The following FAT1 variants were observed in gnomAD, a reference collection of about 807,000 sequenced individuals.
FAT1 encodes the protein protocadherin Fat 1.
In FAT1, 171 loss-of-function variants were observed where a neutral mutation model predicts 329.8. The observed-to-expected ratio is 0.52, with a 90% CI of 0.46 to 0.59. The LOEUF (loss-of-function observed/expected upper bound fraction) is 0.59. FAT1 is among the 20% of genes least tolerant of loss of function. The pLI is 0.00. For synonymous variants in FAT1, 2,233 were observed against 2,228.6 expected, an observed-to-expected ratio of 1.00 and a Z score of -0.06; for missense variants, 5,672 against 5,774.4, an observed-to-expected ratio of 0.98 and a Z score of 0.57.
rs2126699357 is a variant in FAT1 at position 186,708,827 on chromosome 4, A to T, written c.1001T>A (p.Leu334His). ...DWDSHPFGYN[L>H]TLQAKDKGTP... ...TCCTTTATCTTTAGCCTGTAGTGTG[A>T]GATTGTAGCCGAAAGGATGACTGTC... Residue 334 changes from leucine (L) to histidine (H), a missense_variant, in exon 2 of 27, where the codon CTC becomes CAC. By Grantham distance (99) the Leu-to-His change is moderately conservative. Coordinates refer to ENST00000441802, the MANE Select transcript of FAT1 (RefSeq NM_005245.4). 1 of 1,613,964 alleles carries T rather than the reference A, an allele frequency of 6.2e-7. No homozygotes were observed. The highest frequency in any genetic ancestry group is 1.7e-5 in the Admixed American group (1 of 60,026).
In FAT1 at chr4:186,709,483, G is replaced by A. The variant is rs2126704550; in HGVS notation, c.345C>T (p.His115=). ...TAILNREVKD[H]YTLIVKALEK... is the part of the protein sequence containing the mutation. ...CAAGTGCTTTCACTATCAATGTGTA[G>A]TGATCCTTCACTTCTCTATTAAGAA... Residue 115 remains histidine, a synonymous_variant, in exon 2 of 27, where the codon CAC becomes CAT. Coordinates refer to ENST00000441802, the MANE Select transcript of FAT1 (RefSeq NM_005245.4). The A allele has an allele frequency of 6.2e-7, 1 of 1,613,902 alleles. No individual in the cohort carries two copies. Among genetic ancestry groups the A allele is most frequent in the South Asian group, 1.1e-5 (1 of 91,072 alleles).
In FAT1 at chr4:186,617,979, A is replaced by C. The variant is rs2126489873; in HGVS notation, c.8607T>G (p.Ile2869Met). ...SFAINMETGW[I>M]TTLKELDHEK... ...CATGGTCAAGTTCCTTTAAAGTTGT[A>C]ATCCAGCCTGTTTCCATGTTAATGG... Residue 2869 changes from isoleucine to methionine, a missense_variant, in exon 10 of 27, where the codon ATT (isoleucine) becomes ATG (methionine). By Grantham distance (10) the Ile-to-Met change is conservative (BLOSUM62 1). Coordinates refer to ENST00000441802, the MANE Select transcript of FAT1 (RefSeq NM_005245.4). 6.2e-7 allele frequency: 1 copy of C among 1,614,060 alleles called. No homozygotes were observed. Among genetic ancestry groups the C allele is most frequent in the South Asian group, 1.1e-5 (1 of 91,082 alleles).
chr4:186,637,926 T>C (rs1178033460), intron 4 of FAT1, among the ~76,000 whole-genome samples: 1 of 152,236 alleles, frequency 6.6e-6, no homozygotes, highest in Admixed American at 6.5e-5. Flanking sequence ...AAATAAAACA[T>C]TACTATTTTA....
chr4:186,630,325 G>A (rs967257426), intron 7 of FAT1, among the ~76,000 whole-genome samples: 6 of 152,272 alleles, frequency 3.9e-5, no homozygotes, highest in African/African-American at 7.2e-5. Flanking sequence ...GAAGGGCTGC[G>A]TCAACGACAT....
At chr4:186,668,375 G>A (rs1424080112) in intron 2 of FAT1, among the ~76,000 whole-genome samples, 6 of 152,146 alleles carry the variant, frequency 3.9e-5, no homozygotes, top group Non-Finnish European at 8.8e-5. Flanking sequence ...CAGGGGTAGA[G>A]CTAGCCTTCG....
intron 3 of FAT1, among the ~76,000 whole-genome samples, chr4:186,662,021 G>A (rs773777484): frequency 1.6e-4 from 7 of 44,316 alleles, no homozygotes; most frequent in African/African-American, 2.9e-4. Context: ...CCCGCCCCCC[G>A]GCCAGCCCCC....
chr4:186,621,521 C>T lies in FAT1; in HGVS notation c.5065G>A (p.Val1689Ile), dbSNP rs746745969. 4 of 1,613,856 alleles carry T rather than the reference C, an allele frequency of 2.5e-6. No homozygotes were observed. Among genetic ancestry groups the T allele is most frequent in the Non-Finnish European group, 3.4e-6 (4 of 1,179,862 alleles). ...TVSIGSFVGM[V>I]TAHSQSSVVY... ...ACTGATGATTGACTATGGGCTGTAA[C>T]CATCCCAACGAAACTCCCAATGCTG... The change falls in exon 10 of 27, where the codon GTT becomes ATT. Residue 1689 changes from valine (V) to isoleucine (I), a missense_variant. Val to Ile is a conservative substitution (Grantham distance 29). Around this residue, in one of 2 missense-constraint regions of FAT1, gnomAD observed 3,966 missense variants for 3,915.2 expected, o/e 1.01. Coordinates refer to ENST00000441802, the MANE Select transcript of FAT1 (RefSeq NM_005245.4).
chr4:186,679,216 AAATACAAAAAAACACTAAC>A (rs1743085767), intron 2 of FAT1, among the ~76,000 whole-genome samples: 1 of 152,062 alleles, frequency 6.6e-6, no homozygotes, highest in Non-Finnish European at 1.5e-5. Flanking sequence ...AAAACACTAA[AAATACAAAAAAACACTAAC>A]ACTAAACAAA....
chr4:186,603,790 G>A lies in FAT1; in HGVS notation c.10736C>T (p.Thr3579Ile). The A allele has an allele frequency of 1.2e-6, 2 of 1,613,934 alleles. No individual in the cohort carries two copies. The highest frequency in any genetic ancestry group is 2.2e-5 in the South Asian group (2 of 91,072). ...ATDQDVYDTL[T>I]YSLDPQMDNL... ...GTCCATCTGAGGGTCGAGACTGTAGGTTAGAGTATCATACACGTCCTGGTC... is the reference window on the plus strand; with the variant it reads ...GTCCATCTGAGGGTCGAGACTGTAGATTAGAGTATCATACACGTCCTGGTC... The change falls in exon 19 of 27, where the codon ACC becomes ATC. Residue 3579 changes from threonine to isoleucine, a missense_variant. Physicochemically the swap from Thr to Ile is moderately conservative, Grantham distance 89. Transcript: ENST00000441802.
chr4:186,605,271 AGAAAG>A (rs1739055906), intron 17 of FAT1, among the ~76,000 whole-genome samples: 1 of 131,374 alleles, frequency 7.6e-6, no homozygotes, highest in African/African-American at 2.9e-5. Flanking sequence ...AGTGGGGAGG[AGAAAG>A]AGAAGAGGTT....
Position 186,617,849 on chromosome 4 carries a change from C to G in FAT1, c.8737G>C (p.Asp2913His), listed in dbSNP as rs752221845. Residue 2913 changes from aspartate (D) to histidine (H), a missense_variant, in exon 10 of 27, where the codon GAT (aspartate) becomes CAT (histidine). Physicochemically the swap from Asp to His is moderately conservative, Grantham distance 81 (BLOSUM62 -1). Coordinates refer to ENST00000441802, the MANE Select transcript of FAT1 (RefSeq NM_005245.4). ...IVDVTVTDVN[D>H]SPPRFTAEIY... ...TCGGCCGTGAATCGTGGTGGACTAT[C>G]GTTGACATCGGTGACGGTAACATCC... The G allele has an allele frequency of 3.1e-6, 5 of 1,613,818 alleles. No homozygotes were observed. The highest frequency in any genetic ancestry group is 4.2e-6 in the Non-Finnish European group (5 of 1,179,822).
intron 2 of FAT1, among the ~76,000 whole-genome samples, chr4:186,693,474 C>T (rs745902632): frequency 9.1e-5 from 11 of 120,682 alleles, no homozygotes; most frequent in Admixed American, 2.3e-4. Context: ...ACCCCGAGAC[C>T]ACCATGTAAA....
intron 9 of FAT1, among the ~76,000 whole-genome samples, chr4:186,622,645 C>T (rs1740100192): frequency 1.3e-5 from 2 of 152,156 alleles, no homozygotes; most frequent in African/African-American, 4.8e-5. Flanking sequence ...TAGCTGCAAC[C>T]ACAACTCCAG....
intron 2 of FAT1, among the ~76,000 whole-genome samples, chr4:186,668,148 TAAGCGTGCCA>T (rs1403045920): frequency 2.0e-5 from 3 of 152,122 alleles, no homozygotes; most frequent in African/African-American, 7.2e-5. Flanking sequence ...AAGGAAGCCT[TAAGCGTGCCA>T]AGTTATTTTG....
chr4:186,590,782 T>C (rs894522332), intron 26 of FAT1: 28 of 407,732 alleles, frequency 6.9e-5, no homozygotes, highest in Non-Finnish European at 4.9e-6. Flanking sequence ...ACATAGGTGA[T>C]AATCCAAATA....
chr4:186,594,676 G>GTATATATATATA (rs60074549), intron 26 of FAT1, among the ~76,000 whole-genome samples: 17 of 128,350 alleles, frequency 1.3e-4, no homozygotes, highest in African/African-American at 4.7e-4. Context: ...ATACTTGAAA[G>GTATATATATATA]TATATATATA....
chr4:186,629,975 T>C (rs1389916314), intron 7 of FAT1, among the ~76,000 whole-genome samples: 1 of 152,236 alleles, frequency 6.6e-6, no homozygotes, highest in Non-Finnish European at 1.5e-5. Context: ...ACTTTTCCCA[T>C]GTAGTGGGTA....
At chr4:186,631,369 G>C (rs528646790) in intron 7 of FAT1, among the ~76,000 whole-genome samples, 1 of 144,192 alleles carries the variant, frequency 6.9e-6, no homozygotes, top group South Asian at 2.3e-4. Context: ...CCATCCCCGC[G>C]GTATCCTAGT....
chr4:186,669,408 T>C (rs138156764), intron 2 of FAT1, among the ~76,000 whole-genome samples: 36 of 152,292 alleles, frequency 2.4e-4, no homozygotes, highest in South Asian at 8.3e-4. Context: ...AGGAGACAGG[T>C]TGAGACACGC....
Sources: allele counts gnomAD v4.1 joint callset (sites outside exome capture counted in the v4.1 genomes callset), GRCh38; gene constraint gnomAD v4.1.1; regional missense constraint gnomAD v4.1.1; transcripts MANE v1.5; gene names NCBI Gene and HGNC (gene_info 2026-07-23, HGNC 2026-07-21).